Variants in UBQLN1 observed in about 807,000 individuals in gnomAD.
UBQLN1 encodes ubiquilin-1.
UBQLN1 carries 13 observed loss-of-function variants against 65.4 expected under a neutral mutation model. The observed-to-expected ratio is 0.20, with a 90% confidence interval of 0.13 to 0.32. The LOEUF (loss-of-function observed/expected upper bound fraction) is 0.32. UBQLN1 is among the 10% of genes least tolerant of loss of function. The probability of loss-of-function intolerance (pLI) is 1.00; values close to 1 mark genes in which losing one functional copy is unlikely to be tolerated. For missense variants in UBQLN1, 561 were observed against 724.0 expected, an observed-to-expected ratio of 0.77 and a Z score of 2.58; for synonymous variants, 267 against 247.8, an observed-to-expected ratio of 1.08 and a Z score of -0.73.
intron 7 of UBQLN1, chr9:83,667,635 A>G: frequency 2.0e-6 from 2 of 985,394 alleles, no homozygotes; most frequent in South Asian, 9.4e-5. Flanking sequence ...CATATTAACG[A>G]GGTTATCACA....
chr9:83,675,152 G>A (rs949627452), intron 6 of UBQLN1, among the ~76,000 whole-genome samples: 1 of 152,086 alleles, frequency 6.6e-6, no homozygotes, highest in Non-Finnish European at 1.5e-5. Flanking sequence ...TCAATATTCT[G>A]ACATGCCTAA....
At chr9:83,705,413 C>G (rs1215896888) in intron 1 of UBQLN1, among the ~76,000 whole-genome samples, 1 of 152,140 alleles carries the variant, frequency 6.6e-6, no homozygotes, top group Non-Finnish European at 1.5e-5. Context: ...CCACGCCCAG[C>G]TAAGTTTTGT....
At chr9:83,684,141 G>C (rs1831997833) in intron 2 of UBQLN1, among the ~76,000 whole-genome samples, 1 of 151,984 alleles carries the variant, frequency 6.6e-6, no homozygotes, top group African/African-American at 2.4e-5. Flanking sequence ...TAAAAAGCGA[G>C]AGACTTCACC....
chr9:83,670,895 A>G, intron 6 of UBQLN1, among the ~76,000 whole-genome samples: 1 of 151,774 alleles, frequency 6.6e-6, no homozygotes, highest in East Asian at 1.9e-4. Flanking sequence ...ACAAAAAGCA[A>G]CTCCTCATCT....
intron 8 of UBQLN1, among the ~76,000 whole-genome samples, chr9:83,665,609 T>A (rs914231183): frequency 1.3e-5 from 2 of 152,204 alleles, no homozygotes; most frequent in Non-Finnish European, 2.9e-5. Context: ...AATACATGTA[T>A]CCTGAGTTTA....
At chr9:83,673,584 C>T (rs1587643312) in intron 6 of UBQLN1, among the ~76,000 whole-genome samples, 1 of 133,398 alleles carries the variant, frequency 7.5e-6, no homozygotes, top group Admixed American at 7.4e-5. Context: ...AAAAAAACTG[C>T]GCTTACGTTT....
intron 3 of UBQLN1, among the ~76,000 whole-genome samples, chr9:83,681,198 G>A (rs1831934547): frequency 6.6e-6 from 1 of 152,212 alleles, no homozygotes; most frequent in South Asian, 2.1e-4. Context: ...TTTCTCTTTG[G>A]AGGACTTCAA....
intron 1 of UBQLN1, among the ~76,000 whole-genome samples, chr9:83,697,245 G>GTTTT (rs71365322): frequency 7.1e-6 from 1 of 140,698 alleles, no homozygotes. Flanking sequence ...GTATCTTCTG[G>GTTTT]TTTTTTTTTT....
rs766163441 is a variant in UBQLN1, at chr9:83,707,627, G to A, written c.53C>T (p.Ala18Val). 1.3e-5 allele frequency: 20 copies of A among 1,581,592 alleles called. No individual in the cohort carries two copies. The highest frequency in any genetic ancestry group is 5.5e-5 in the Admixed American group (3 of 55,044). Reference sequence around the variant, plus strand: ...GGGGGCGCCAGCACCTTCGGCTCCGGCGGCGCTATCCTGGGAGCCCGGAGG... The same window carrying A: ...GGGGGCGCCAGCACCTTCGGCTCCGACGGCGCTATCCTGGGAGCCCGGAGG... The part of the protein sequence containing the change: ...GGPPGSQDSA[A>V]GAEGAGAPAA... Residue 18 changes from alanine to valine, a missense_variant, in exon 1 of 11, where the codon GCC becomes GTC. By Grantham distance (64) the Ala-to-Val change is moderately conservative. Transcript: ENST00000376395.
At chr9:83,675,606 A>AT (rs1432478658) in intron 6 of UBQLN1, among the ~76,000 whole-genome samples, 22 of 152,264 alleles carry the variant, frequency 1.4e-4, no homozygotes, top group Admixed American at 1.1e-3. Context: ...AGTTCACTTA[A>AT]CTGTGCAATT....
chr9:83,686,508 G>T (rs1359104055), intron 1 of UBQLN1, among the ~76,000 whole-genome samples: 1 of 152,054 alleles, frequency 6.6e-6, no homozygotes, highest in Non-Finnish European at 1.5e-5. Flanking sequence ...TAACACAAAG[G>T]TCCTACTATA....
chr9:83,678,322 C>G, intron 5 of UBQLN1, 119 bp downstream of exon 5: 1 of 1,313,266 alleles, frequency 7.6e-7, no homozygotes, highest in Non-Finnish European at 1.0e-6. Flanking sequence ...CACCCGGCCA[C>G]TGAACTTTTT....
At chr9:83,673,005 G>A (rs1831759196) in intron 6 of UBQLN1, among the ~76,000 whole-genome samples, 1 of 152,228 alleles carries the variant, frequency 6.6e-6, no homozygotes, top group African/African-American at 2.4e-5. Flanking sequence ...GCTGAGGCGG[G>A]TGGATCATTT....
intron 2 of UBQLN1, among the ~76,000 whole-genome samples, chr9:83,683,356 G>T (rs769530088): frequency 6.8e-6 from 1 of 146,924 alleles, no homozygotes; most frequent in Non-Finnish European, 1.5e-5. Flanking sequence ...AGCTTGCAGT[G>T]AGCGAGATCG....
At chr9:83,665,391 C>G in intron 8 of UBQLN1, 1 of 363,902 alleles carries the variant, frequency 2.7e-6, no homozygotes, top group Non-Finnish European at 4.9e-6. Context: ...GGAAGAAAAT[C>G]AGGAGCTACT....
intron 3 of UBQLN1, among the ~76,000 whole-genome samples, chr9:83,680,675 T>C (rs891315964): frequency 5.3e-5 from 8 of 152,190 alleles, no homozygotes. Flanking sequence ...CCCTAATAAT[T>C]ATCTTCCAAG....
chr9:83,703,135 T>C (rs2131190871), intron 1 of UBQLN1, among the ~76,000 whole-genome samples: 1 of 148,682 alleles, frequency 6.7e-6, no homozygotes. Context: ...CAAAGCTCTT[T>C]TCAATAGCTG....
chr9:83,682,178 G>A (rs757733212), intron 3 of UBQLN1, among the ~76,000 whole-genome samples: 3 of 151,996 alleles, frequency 2.0e-5, no homozygotes, highest in Admixed American at 6.6e-5. Context: ...CCAGCTACTC[G>A]GGAGGCTGAG....
Position 83,707,759 on chromosome 9 carries a change from G to A in UBQLN1, c.-80C>T, listed in dbSNP as rs1832442553. On this transcript the variant is annotated 5_prime_UTR_variant, in exon 1 of 11. Transcript: ENST00000376395. ...CAAGGAGGAGCCAGCAGACACCAGA[G>A]CCGGCAGGCCTGGACAGCGAAGAAT... is the stretch of plus-strand genomic sequence containing the variant. 3 of 1,468,620 alleles carry A rather than the reference G, an allele frequency of 2.0e-6. No individual in the cohort carries two copies. The highest frequency in any genetic ancestry group is 2.7e-6 in the Non-Finnish European group (3 of 1,118,638). The allele number at this position is 1,468,620 out of a possible 1,614,324, so 91.0% of individuals were successfully genotyped here.
Sources: gnomAD v4.1 joint callset for allele counts (sites outside exome capture counted in the v4.1 genomes callset) on GRCh38, gnomAD v4.1.1 for gene constraint, MANE v1.5 for transcripts, NCBI Gene and HGNC (gene_info 2026-07-23, HGNC 2026-07-21) for gene names.